Variants in DPP6 observed in about 807,000 individuals in gnomAD.
DPP6 encodes the protein dipeptidyl peptidase like 6.
DPP6 carries 69 observed loss-of-function variants against 122.6 expected under a neutral mutation model. The ratio of observed to expected loss-of-function variants is 0.56; its 90% CI spans 0.46 to 0.69. The LOEUF (loss-of-function observed/expected upper bound fraction) is 0.69, where lower values mean the gene tolerates loss of function less well. Ranked by LOEUF, DPP6 falls within the 30% of genes least tolerant of loss-of-function variation. The pLI is 0.00. For missense variants in DPP6, 928 were observed against 1,116.9 expected (o/e 0.83, Z 2.41); for synonymous variants, 418 against 433.1 (o/e 0.97, Z 0.43).
At chr7:154,888,444 T>C (rs548610810) in intron 23 of DPP6, among the ~76,000 whole-genome samples, 23 of 152,074 alleles carry the variant, frequency 1.5e-4, no homozygotes, top group Non-Finnish European at 2.8e-4. Context: ...ACCTCCTGAG[T>C]CAGACCTGTT....
chr7:154,807,777 G>A (rs974569713), intron 16 of DPP6, among the ~76,000 whole-genome samples: 5 of 152,042 alleles, frequency 3.3e-5, no homozygotes, highest in Admixed American at 1.3e-4. Context: ...AGCTGAGATC[G>A]CACCACTACA....
intron 3 of DPP6, among the ~76,000 whole-genome samples, chr7:154,498,095 C>T (rs920577580): frequency 6.6e-6 from 1 of 152,166 alleles, no homozygotes; most frequent in African/African-American, 2.4e-5. Context: ...TAGATAGTTA[C>T]AGAAAAACAT....
intron 1 of DPP6, among the ~76,000 whole-genome samples, chr7:154,396,203 T>C (rs182630974): frequency 1.3e-5 from 2 of 152,346 alleles, no homozygotes; most frequent in Admixed American, 1.3e-4. Flanking sequence ...GTTCATTATG[T>C]AGTTACTACT....
rs150784771 is a variant in DPP6, at chr7:154,421,615, C to T, written c.244-24599C>T. Reference sequence around the variant, plus strand: ...CTGGGATTACGGGCATGAGCCACTGCGCCTGGCCTTTGAGTGTCAGTTTCT... The same window carrying T: ...CTGGGATTACGGGCATGAGCCACTGTGCCTGGCCTTTGAGTGTCAGTTTCT... On this transcript the variant is annotated intron_variant, in intron 1 of 25. Coordinates refer to ENST00000377770, the MANE Select transcript of DPP6 (RefSeq NM_130797.4). Among the ~76,000 whole-genome samples the T allele has an allele frequency of 3.3e-3, 505 of 152,036 alleles. 12 individuals are homozygous for T. Among genetic ancestry groups the T allele is most frequent in the Admixed American group, 0.025 (387 of 15,272 alleles).
the DPP6 span, among the ~76,000 whole-genome samples, chr7:153,797,564 T>C: frequency 6.6e-6 from 1 of 152,318 alleles, no homozygotes; most frequent in Non-Finnish European, 1.5e-5. Flanking sequence ...TGTGTCTTTC[T>C]ATTTCAATAT....
At chr7:154,426,366 T>G (rs1391460824) in intron 1 of DPP6, among the ~76,000 whole-genome samples, 2 of 152,182 alleles carry the variant, frequency 1.3e-5, no homozygotes, top group African/African-American at 4.8e-5. Flanking sequence ...AGCACAATCT[T>G]TTGGTAACTT....
intron 1 of DPP6, among the ~76,000 whole-genome samples, chr7:154,020,047 G>C (rs940676863): frequency 6.6e-6 from 1 of 151,932 alleles, no homozygotes; most frequent in East Asian, 1.9e-4. Context: ...CCAGACTCTG[G>C]GTGTACAGCA....
chr7:154,784,410 G>A (rs1233222049), intron 10 of DPP6, among the ~76,000 whole-genome samples: 1 of 152,162 alleles, frequency 6.6e-6, no homozygotes, highest in Non-Finnish European at 1.5e-5. Context: ...AGAGAGCTCA[G>A]CACACCAGAG....
chr7:154,325,749 T>C (rs1480264669), intron 1 of DPP6, among the ~76,000 whole-genome samples: 2 of 152,242 alleles, frequency 1.3e-5, no homozygotes, highest in African/African-American at 2.4e-5. Flanking sequence ...ATTCAATACA[T>C]ATGATTAATA....
intron 5 of DPP6, among the ~76,000 whole-genome samples, chr7:154,581,428 C>A (rs899482647): frequency 2.6e-5 from 4 of 152,152 alleles, no homozygotes; most frequent in Non-Finnish European, 4.4e-5. Flanking sequence ...CCCCCACTTC[C>A]TCCCACACAC....
At chr7:153,966,610 TAA>T (rs371185309) in intron 1 of DPP6, among the ~76,000 whole-genome samples, 10,419 of 68,012 alleles carry the variant, frequency 0.15, 1,233 homozygotes, top group East Asian at 0.35. Context: ...CCTTTTTTTT[TAA>T]AAAATTATAC....
At chr7:154,305,374 G>C in intron 1 of DPP6, 1 of 919,408 alleles carries the variant, frequency 1.1e-6, no homozygotes, top group Non-Finnish European at 1.2e-6. Context: ...AAATAGCCTT[G>C]TGATTTCGGA....
intron 1 of DPP6, among the ~76,000 whole-genome samples, chr7:154,399,281 G>A (rs140512325): frequency 3.9e-5 from 6 of 152,188 alleles, no homozygotes; most frequent in Admixed American, 1.3e-4. Context: ...TACTGATTTC[G>A]TTTAAACAGA....
At chr7:153,935,052 C>T (rs1383601805) in intron 1 of DPP6, among the ~76,000 whole-genome samples, 4 of 152,156 alleles carry the variant, frequency 2.6e-5, no homozygotes, top group African/African-American at 7.2e-5. Context: ...GGGACCAGCC[C>T]CAGGGATGGC....
chr7:154,242,871 A>C (rs1463650471), intron 1 of DPP6, among the ~76,000 whole-genome samples: 1 of 152,340 alleles, frequency 6.6e-6, no homozygotes, highest in Admixed American at 6.5e-5. Context: ...TGCCTTCTGC[A>C]GGGCTGGGAA....
rs1554498771 is a variant in DPP6, at chr7:154,241,185, A to ATGTGTG, written c.243+188152_243+188157dup. Among the ~76,000 whole-genome samples the ATGTGTG allele has an allele frequency of 7.0e-3, 952 of 136,284 alleles. 6 individuals are homozygous for ATGTGTG. The highest frequency in any genetic ancestry group is 0.01 in the Non-Finnish European group (646 of 63,988). The allele number at this position is 136,284 out of a possible 152,430, so 89.4% of individuals were successfully genotyped here. A position where few individuals can be genotyped will look rare whatever the true frequency, so the allele number is the denominator to read the frequency against. On this transcript the variant is annotated intron_variant, in intron 1 of 25. Coordinates refer to ENST00000377770, the MANE Select transcript of DPP6 (RefSeq NM_130797.4). The surrounding 1 kb of genome is among the most constrained non-coding windows in gnomAD (Gnocchi z 9.0). ...GCACAGTAGGTAATTCAATATCAAT[A>ATGTGTG]TGTGTGTGTGTGTGTGTGTGTGTGT... is the stretch of plus-strand genomic sequence containing the variant.
chr7:153,777,781 G>A, the DPP6 span, among the ~76,000 whole-genome samples: 1 of 131,898 alleles, frequency 7.6e-6, no homozygotes, highest in East Asian at 2.1e-4. Flanking sequence ...AGGAATTTCT[G>A]GGGTGATGAA....
chr7:153,974,986 C>T (rs1796219625), intron 1 of DPP6, among the ~76,000 whole-genome samples: 1 of 152,200 alleles, frequency 6.6e-6, no homozygotes, highest in Non-Finnish European at 1.5e-5. Context: ...CGAGGGCTCA[C>T]ATTTGGCTAA....
At chr7:154,209,377 G>C (rs562656164) in intron 1 of DPP6, among the ~76,000 whole-genome samples, 27 of 152,252 alleles carry the variant, frequency 1.8e-4, no homozygotes, top group African/African-American at 6.0e-4. Context: ...AGCCTCCATG[G>C]ATGTGTCTTT....
Sources: gnomAD v4.1 joint callset for allele counts (sites outside exome capture counted in the v4.1 genomes callset) on GRCh38, gnomAD v4.1.1 for gene constraint, Gnocchi (gnomAD v3.1) non-coding constraint, MANE v1.5 for transcripts, NCBI Gene and HGNC (gene_info 2026-07-23, HGNC 2026-07-21) for gene names.